THSD7A: variants seen among roughly 807,000 people sequenced by gnomAD.
THSD7A encodes the protein thrombospondin type 1 domain containing 7A, also known as thrombospondin type-1 domain-containing protein 7A.
THSD7A carries 96 observed loss-of-function variants against 231.3 expected under a neutral mutation model. That is an observed-to-expected ratio of 0.41 (90% CI 0.35 to 0.49). The LOEUF (loss-of-function observed/expected upper bound fraction) is 0.49. Among genes scored for constraint, THSD7A ranks in the 20% least tolerant of loss-of-function variants. The pLI is 0.05. For synonymous variants in THSD7A, 940 were observed against 743.3 expected, an observed-to-expected ratio of 1.26 and a Z score of -4.30; for missense variants, 2,290 against 2,070.2, an observed-to-expected ratio of 1.11 and a Z score of -2.06.
intron 1 of THSD7A, among the ~76,000 whole-genome samples, chr7:11,727,669 A>T (rs1781594470): frequency 6.6e-6 from 1 of 152,032 alleles, no homozygotes; most frequent in African/African-American, 2.4e-5. Context: ...AAGAAAATAT[A>T]CTTAAAAGTA....
intron 2 of THSD7A, among the ~76,000 whole-genome samples, chr7:11,622,836 G>A (rs896976572): frequency 6.6e-6 from 1 of 152,122 alleles, no homozygotes; most frequent in African/African-American, 2.4e-5. Flanking sequence ...TAAGCATAGA[G>A]GAACAAAGTA....
chr7:11,516,954 A>T (rs537219615), intron 6 of THSD7A, among the ~76,000 whole-genome samples: 2 of 152,364 alleles, frequency 1.3e-5, no homozygotes, highest in Admixed American at 1.3e-4. Flanking sequence ...TGATGCAATG[A>T]AATAAAAGAG....
intron 1 of THSD7A, among the ~76,000 whole-genome samples, chr7:11,791,478 G>C (rs944123222): frequency 2.6e-5 from 4 of 152,014 alleles, no homozygotes; most frequent in African/African-American, 9.7e-5. Context: ...TTGAAGGAAA[G>C]TTGTAGTTTC....
Position 11,590,476 on chromosome 7 carries a change from G to C in THSD7A, c.1437C>G (p.Thr479=), listed in dbSNP as rs746548102. The C allele has an allele frequency of 3.1e-6, 5 of 1,611,346 alleles. No individual in the cohort carries two copies. In the East Asian group the frequency reaches 1.1e-4, roughly 36 times the overall value. ...AAAGGTTACCTTCTTTGTTCTTGTG[G>C]GTACTTAATTGTGAGAGGAGGTTTT... ...ANENLLSQLS[T]HKNKEASKPM... is the part of the protein sequence containing the mutation. The change falls in exon 4 of 28, where the codon ACC becomes ACG. Residue 479 remains threonine (T), a synonymous_variant. Coordinates refer to ENST00000423059, the MANE Select transcript of THSD7A (RefSeq NM_015204.3). This position sits in a 1 kb window ranked among gnomAD's most constrained non-coding sequence, Gnocchi z 4.4.
At chr7:11,418,893 G>C (rs1188415257) in intron 16 of THSD7A, among the ~76,000 whole-genome samples, 1 of 151,650 alleles carries the variant, frequency 6.6e-6, no homozygotes, top group Non-Finnish European at 1.5e-5. Flanking sequence ...ATATTGATAT[G>C]ATTTCCTTGT....
intron 6 of THSD7A, among the ~76,000 whole-genome samples, chr7:11,493,643 T>G (rs1417429411): frequency 1.3e-5 from 2 of 152,116 alleles, no homozygotes; most frequent in Non-Finnish European, 2.9e-5. Flanking sequence ...TACATATAGT[T>G]ATTTAATTGA....
intron 13 of THSD7A, among the ~76,000 whole-genome samples, chr7:11,440,780 G>A (rs759441248): frequency 2.6e-5 from 4 of 152,118 alleles, no homozygotes; most frequent in Middle Eastern, 3.4e-3. Flanking sequence ...AATCTGCTCC[G>A]GGTGAAGATG....
intron 18 of THSD7A, among the ~76,000 whole-genome samples, chr7:11,412,096 G>A (rs116287434): frequency 6.6e-6 from 1 of 152,154 alleles, no homozygotes; most frequent in Admixed American, 6.5e-5. Flanking sequence ...CTTTCCTAGA[G>A]TATGCACCTT....
intron 1 of THSD7A, among the ~76,000 whole-genome samples, chr7:11,789,448 G>A (rs1205496546): frequency 6.6e-6 from 1 of 152,024 alleles, no homozygotes; most frequent in Non-Finnish European, 1.5e-5. Context: ...AGCCAGGCTA[G>A]AGAAAATGAC....
At chr7:11,425,520 C>G (rs567127999) in intron 15 of THSD7A, among the ~76,000 whole-genome samples, 1 of 152,072 alleles carries the variant, frequency 6.6e-6, no homozygotes, top group African/African-American at 2.4e-5. Flanking sequence ...GTCCATAAAG[C>G]CTTTCAGTCC....
intron 2 of THSD7A, among the ~76,000 whole-genome samples, chr7:11,624,028 C>T (rs1488840006): frequency 6.6e-6 from 1 of 152,186 alleles, no homozygotes; most frequent in East Asian, 1.9e-4. Context: ...ATCATCCCAG[C>T]ATTTTGCCAT....
At chr7:11,524,962 G>C (rs1050443088) in intron 6 of THSD7A, among the ~76,000 whole-genome samples, 2 of 152,202 alleles carry the variant, frequency 1.3e-5, no homozygotes, top group South Asian at 2.1e-4. Context: ...AACCTGCCTT[G>C]CCTTTCTTAA....
At chr7:11,763,609 G>A (rs1782934284) in intron 1 of THSD7A, among the ~76,000 whole-genome samples, 1 of 152,078 alleles carries the variant, frequency 6.6e-6, no homozygotes, top group African/African-American at 2.4e-5. Context: ...TGAAGTAGAT[G>A]AATTAATAAG....
intron 1 of THSD7A, among the ~76,000 whole-genome samples, chr7:11,646,454 C>A (rs1782285495): frequency 2.0e-5 from 3 of 151,958 alleles, no homozygotes; most frequent in Admixed American, 1.3e-4. Flanking sequence ...TTGAAGGTAG[C>A]AACTAGCAAA....
chr7:11,804,381 T>A (rs1784349557), intron 1 of THSD7A, among the ~76,000 whole-genome samples: 1 of 152,184 alleles, frequency 6.6e-6, no homozygotes, highest in African/African-American at 2.4e-5. Context: ...AGAAAACACA[T>A]GATTTGCATT....
intron 1 of THSD7A, among the ~76,000 whole-genome samples, chr7:11,672,283 T>A (rs1002154953): frequency 2.0e-5 from 3 of 152,154 alleles, no homozygotes; most frequent in Admixed American, 6.6e-5. Flanking sequence ...CTCATTTTAC[T>A]TTTTGGTTGA....
intron 1 of THSD7A, among the ~76,000 whole-genome samples, chr7:11,805,379 C>T (rs1379890988): frequency 6.6e-6 from 1 of 152,020 alleles, no homozygotes; most frequent in East Asian, 1.9e-4. Flanking sequence ...TTAGTTGTGG[C>T]TGTAATTCTA....
At position 11,396,561 on chromosome 7, in the gene THSD7A, C is replaced by T. The variant is rs1050434062; in HGVS notation, c.4411+5234G>A. Among the ~76,000 whole-genome samples, 3 of 152,042 alleles carry T rather than the reference C, an allele frequency of 2.0e-5. No individual in the cohort carries two copies. The East Asian group carries it at 5.8e-4, about 29-fold the overall frequency. The stretch of plus-strand genomic sequence containing the variant: ...GAGAGAAATTCCTGGAAACATACTC[C>T]CTCCCATGACTAAACCAGGAGGAAG... On this transcript the variant is annotated intron_variant, in intron 23 of 27. Transcript: ENST00000423059.
chr7:11,563,132 A>T (rs916978820), intron 4 of THSD7A, among the ~76,000 whole-genome samples: 2 of 152,122 alleles, frequency 1.3e-5, no homozygotes, highest in African/African-American at 4.8e-5. Context: ...TGAATCATAG[A>T]AGTTTATTTC....
Sources: allele counts gnomAD v4.1 joint callset (sites outside exome capture counted in the v4.1 genomes callset), GRCh38; gene constraint gnomAD v4.1.1; non-coding constraint Gnocchi (gnomAD v3.1); transcripts MANE v1.5; gene names NCBI Gene and HGNC (gene_info 2026-07-23, HGNC 2026-07-21).